The following SAG variants were observed in gnomAD, a reference collection of about 807,000 sequenced individuals.
SAG encodes S-arrestin.
A neutral mutation model predicts 55.0 loss-of-function variants in SAG; 45 were observed. The ratio of observed to expected loss-of-function variants is 0.82; its 90% CI spans 0.64 to 1.05. The LOEUF (loss-of-function observed/expected upper bound fraction) is 1.05. Ranked by LOEUF, SAG falls within the 50% of genes least tolerant of loss-of-function variation. The pLI is 0.00. For missense variants in SAG, 455 were observed against 512.1 expected (o/e 0.89, Z 1.08); for synonymous variants, 189 against 197.4 (o/e 0.96, Z 0.36).
intron 7 of SAG, 194 bp from the exon 8 acceptor site, chr2:233,328,284 A>C (rs1700634942): frequency 7.2e-6 from 4 of 556,422 alleles, no homozygotes; most frequent in Non-Finnish European, 1.2e-5. Flanking sequence ...AGGGACCAGG[A>C]CCCAGACCCC....
At chr2:233,329,601 G>T (rs1298819917) in intron 9 of SAG, 24 bp downstream of exon 9, 1 of 1,506,480 alleles carries the variant, frequency 6.6e-7, no homozygotes, top group Non-Finnish European at 9.2e-7. Context: ...CTCAGAAGTA[G>T]AGGGCATAGT....
At position 233,319,358 on chromosome 2, in the gene SAG, C is replaced by T. The variant is rs948567044; in HGVS notation, c.181+563C>T. ...CTTCGATGGTTCTGAACCAGTGTCA[C>T]GGCGCCCTTGAAGATTTCTGGCAGT... is the stretch of plus-strand genomic sequence containing the variant. On this transcript the variant is annotated intron_variant, in intron 4 of 15. Transcript: ENST00000409110. The surrounding 1 kb of genome is among the most constrained non-coding windows in gnomAD (Gnocchi z 4.4). Among the ~76,000 whole-genome samples, 3 of 152,090 alleles carry T rather than the reference C, an allele frequency of 2.0e-5. No individual in the cohort carries two copies. Among genetic ancestry groups the T allele is most frequent in the Admixed American group, 6.5e-5 (1 of 15,278 alleles).
At chr2:233,318,341 T>G (rs74439167) in intron 3 of SAG, among the ~76,000 whole-genome samples, 5,676 of 151,960 alleles carry the variant, frequency 0.037, 359 homozygotes, top group African/African-American at 0.13. Context: ...ATTTTTTTTT[T>G]TTGTTTTTTT....
Position 233,331,700 on chromosome 2 carries a change from T to C in SAG, c.794T>C (p.Met265Thr), listed in dbSNP as rs1402827184. 6.8e-6 allele frequency: 11 copies of C among 1,613,258 alleles called. No homozygotes were observed. The highest frequency in any genetic ancestry group is 1.7e-5 in the Admixed American group (1 of 59,978). The change falls in exon 10 of 16, where the codon ATG becomes ACG. Residue 265 changes from methionine to threonine, a missense_variant. Coordinates refer to ENST00000409110, the MANE Select transcript of SAG (RefSeq NM_000541.5). ...SSDYYVKPVA[M>T]EEAQEKVPPN... ...GATTATTACGTCAAGCCCGTGGCTATGGAGGAAGCGCAGTGAGTAGCTGTT... is the reference window on the plus strand; with the variant it reads ...GATTATTACGTCAAGCCCGTGGCTACGGAGGAAGCGCAGTGAGTAGCTGTT...
intron 14 of SAG, chr2:233,345,691 A>G (rs1701232698): frequency 6.6e-6 from 1 of 152,402 alleles, no homozygotes; most frequent in East Asian, 1.9e-4. Flanking sequence ...ACTTCACTCC[A>G]GCCTGGGCAA....
Position 233,318,791 on chromosome 2 carries a change from G to C in SAG, c.177G>C (p.Lys59Asn). 1 of 1,613,710 alleles carries C rather than the reference G, an allele frequency of 6.2e-7. No homozygotes were observed. Among genetic ancestry groups the C allele is most frequent in the Non-Finnish European group, 8.5e-7 (1 of 1,179,612 alleles). The change falls in exon 4 of 16, where the codon AAG (lysine) becomes AAC (asparagine). Residue 59 changes from lysine to asparagine, a missense_variant. Coordinates refer to ENST00000409110, the MANE Select transcript of SAG (RefSeq NM_000541.5). ...TTGATCCTGATCTTGTGAAGGGAAA[G>C]AAAGGTGAGATGAAGCCCCTTGTCT... ...VLVDPDLVKG[K>N]KVYVTLTCAF... is the part of the protein sequence containing the mutation.
At chr2:233,333,387 T>C (rs1156711331) in intron 10 of SAG, 1 of 152,226 alleles carries the variant, frequency 6.6e-6, no homozygotes, top group Non-Finnish European at 1.5e-5. Flanking sequence ...TCTTTCAAAG[T>C]GTTGGGTGCA....
intron 14 of SAG, 81 bp from the exon 15 acceptor site, chr2:233,346,322 G>A (rs1385821654): frequency 6.9e-7 from 1 of 1,457,004 alleles, no homozygotes; most frequent in Non-Finnish European, 9.6e-7. Flanking sequence ...CATTTTCTAG[G>A]TACAGCTATG....
At position 233,340,593 on chromosome 2, in the gene SAG, G is replaced by A; in HGVS notation, c.1046+115G>A. On this transcript the variant is annotated intron_variant, in intron 13 of 15. Transcript: ENST00000409110. This position sits in a 1 kb window ranked among gnomAD's most constrained non-coding sequence, Gnocchi z 4.2. ...GCTTTCTGGACAGTTGTGCTCAGAG[G>A]TGTTAGGAATGATGCTTTGCCTTCG... 1.2e-6 allele frequency: 1 copy of A among 808,460 alleles called. No individual in the cohort carries two copies. The highest frequency in any genetic ancestry group is 1.5e-5 in the South Asian group (1 of 67,982). The allele number at this position is 808,460 out of a possible 1,614,324, so 50.1% of individuals were successfully genotyped here.
chr2:233,321,949 CTTGG>C (rs1394367582), intron 5 of SAG, among the ~76,000 whole-genome samples: 1 of 150,868 alleles, frequency 6.6e-6, no homozygotes, highest in African/African-American at 2.4e-5. Context: ...TTGAGACCAT[CTTGG>C]CTAACATGGT....
chr2:233,338,901 C>T, intron 12 of SAG, 148 bp downstream of exon 12: 1 of 741,642 alleles, frequency 1.3e-6, no homozygotes, highest in Non-Finnish European at 2.4e-6. Context: ...GGGAGAGATT[C>T]TGTTTGTCTA....
intron 11 of SAG, chr2:233,338,378 G>A (rs1212657405): frequency 2.1e-5 from 7 of 337,112 alleles, no homozygotes; most frequent in African/African-American, 1.5e-4. Context: ...GGGAGTTGCT[G>A]AGGAGGATGA....
chr2:233,329,364 A>G (rs547760303), intron 8 of SAG, 129 bp from the exon 9 acceptor site: 2 of 672,804 alleles, frequency 3.0e-6, no homozygotes, highest in Admixed American at 5.0e-5. Context: ...TATTGCTATC[A>G]CTTCATCTTC....
chr2:233,321,149 G>A (rs1700369223), intron 5 of SAG, among the ~76,000 whole-genome samples: 1 of 152,218 alleles, frequency 6.6e-6, no homozygotes, highest in Non-Finnish European at 1.5e-5. Flanking sequence ...GCCCTGGGGA[G>A]TTCTAAGTAG....
Position 233,320,719 on chromosome 2 carries a change from C to T in SAG, c.271C>T (p.Arg91Trp), listed in dbSNP as rs779840799. 55 of 1,604,884 alleles carry T rather than the reference C, an allele frequency of 3.4e-5. No individual in the cohort carries two copies. In the African/African-American group the frequency reaches 4.7e-4, roughly 14 times the overall value. ...LTFRRDLYFS[R>W]VQVYPPVGAA... ...CTTCCGCAGGGACCTGTACTTCTCCCGGGTCCAGGTGTATCCTCCTGTGGG... is the reference window on the plus strand; with the variant it reads ...CTTCCGCAGGGACCTGTACTTCTCCTGGGTCCAGGTGTATCCTCCTGTGGG... Residue 91 changes from arginine to tryptophan, a missense_variant, in exon 5 of 16, where the codon CGG (arginine) becomes TGG (tryptophan). Physicochemically the swap from Arg to Trp is moderately radical, Grantham distance 101. Transcript: ENST00000409110.
intron 15 of SAG, 73 bp downstream of exon 15, chr2:233,346,485 C>CT: frequency 6.7e-7 from 1 of 1,497,780 alleles, no homozygotes; most frequent in East Asian, 2.3e-5. Context: ...ACAAAACCCT[C>CT]TTTGAGTCTT....
chr2:233,311,982 C>T (rs1480825884), intron 2 of SAG, among the ~76,000 whole-genome samples: 2 of 152,010 alleles, frequency 1.3e-5, no homozygotes, highest in South Asian at 2.1e-4. Flanking sequence ...AAAAATTAGC[C>T]GGGCGTGGTG....
At chr2:233,332,899 G>A (rs1013662002) in intron 10 of SAG, 1 of 152,184 alleles carries the variant, frequency 6.6e-6, no homozygotes, top group African/African-American at 2.4e-5. Context: ...CTGACCTCAG[G>A]TGATCTGCCC....
Position 233,329,494 on chromosome 2 carries a change from T to C in SAG, c.650T>C (p.Ile217Thr). Residue 217 changes from isoleucine (I) to threonine (T), a missense_variant and splice_region_variant, in exon 9 of 16, where the codon ATC becomes ACC. Ile to Thr is a moderately conservative substitution (Grantham distance 89). Coordinates refer to ENST00000409110, the MANE Select transcript of SAG (RefSeq NM_000541.5). ...LHLAVSLNKEIYFHGEPIPVT... is the reference protein window; with the variant it reads ...LHLAVSLNKETYFHGEPIPVT... Reference sequence around the variant, plus strand: ...TGACCTATCTGCTGACTTTTCTAGATCTATTTCCATGGGGAGCCCATCCCT... The same window carrying C: ...TGACCTATCTGCTGACTTTTCTAGACCTATTTCCATGGGGAGCCCATCCCT... The C allele has an allele frequency of 6.2e-7, 1 of 1,607,250 alleles. No individual in the cohort carries two copies. Among genetic ancestry groups the C allele is most frequent in the Non-Finnish European group, 8.5e-7 (1 of 1,173,782 alleles).
Sources: gnomAD v4.1 joint callset for allele counts (sites outside exome capture counted in the v4.1 genomes callset) on GRCh38, gnomAD v4.1.1 for gene constraint, Gnocchi (gnomAD v3.1) non-coding constraint, MANE v1.5 for transcripts, NCBI Gene and HGNC (gene_info 2026-07-23, HGNC 2026-07-21) for gene names.